The following PREX1 variants were observed in gnomAD, a reference collection of about 807,000 sequenced individuals.
PREX1 encodes the protein phosphatidylinositol 3,4,5-trisphosphate-dependent Rac exchanger 1 protein.
PREX1 carries 41 observed loss-of-function variants against 198.3 expected under a neutral mutation model. The observed-to-expected ratio is 0.21, with a 90% confidence interval of 0.16 to 0.27. PREX1 has a LOEUF of 0.27. Among genes scored for constraint, PREX1 ranks in the 10% least tolerant of loss-of-function variants. The pLI is 1.00. For missense variants in PREX1, 1,620 were observed against 2,200.7 expected, an observed-to-expected ratio of 0.74 and a Z score of 5.28; for synonymous variants, 843 against 887.2, an observed-to-expected ratio of 0.95 and a Z score of 0.89.
Position 48,666,174 on chromosome 20 carries a change from CG to C in PREX1, c.1738+108del. ...GGATTCGTGAGCCTCCCCAAACCCC[CG>C]GGGGTCTAGAGAGCCACAGACCTGG... On this transcript the variant is annotated intron_variant, in intron 15 of 39. Transcript: ENST00000371941. The surrounding 1 kb of genome is among the most constrained non-coding windows in gnomAD (Gnocchi z 4.3). 1 of 1,152,680 alleles carries C rather than the reference CG, an allele frequency of 8.7e-7. No homozygotes were observed. Among genetic ancestry groups the C allele is most frequent in the Non-Finnish European group, 1.2e-6 (1 of 808,006 alleles). The allele number at this position is 1,152,680 out of a possible 1,614,324, so 71.4% of individuals were successfully genotyped here. A position where few individuals can be genotyped will look rare whatever the true frequency, so the allele number is the denominator to read the frequency against.
chr20:48,754,501 T>C (rs957714193), intron 1 of PREX1, among the ~76,000 whole-genome samples: 1 of 152,018 alleles, frequency 6.6e-6, no homozygotes, highest in South Asian at 2.1e-4. Flanking sequence ...CTGGGGAGGA[T>C]AAATCTCTCC....
intron 10 of PREX1, among the ~76,000 whole-genome samples, chr20:48,687,984 G>A (rs1299154004): frequency 2.0e-5 from 3 of 152,008 alleles, no homozygotes; most frequent in African/African-American, 7.3e-5. Context: ...TACTCTCCCT[G>A]CCAACACCCT....
rs908630865 is a variant in PREX1 at position 48,690,830 on chromosome 20, A to G, written c.1186+117T>C. 7.8e-6 allele frequency: 11 copies of G among 1,418,434 alleles called. No individual in the cohort carries two copies. In the South Asian group the frequency reaches 1.4e-4, roughly 18 times the overall value. 87.9% of individuals were successfully genotyped at this position (1,418,434 alleles called of 1,614,324 possible). A position where few individuals can be genotyped will look rare whatever the true frequency, so the allele number is the denominator to read the frequency against. On this transcript the variant is annotated intron_variant, in intron 9 of 39. Transcript: ENST00000371941. Reference sequence around the variant, plus strand: ...CTGTCCCTTCAAATACCTGCTTCTTACAGCTCTGATCCTCCTGAAAAGGAC... The same window carrying G: ...CTGTCCCTTCAAATACCTGCTTCTTGCAGCTCTGATCCTCCTGAAAAGGAC...
At chr20:48,877,241 A>C in the PREX1 span, among the ~76,000 whole-genome samples, 5 of 151,900 alleles carry the variant, frequency 3.3e-5, no homozygotes, top group Admixed American at 3.3e-4. Flanking sequence ...ATTGCACTCC[A>C]GCCTGGTCAA....
At chr20:48,714,858 G>A (rs2089954556) in intron 5 of PREX1, among the ~76,000 whole-genome samples, 1 of 152,192 alleles carries the variant, frequency 6.6e-6, no homozygotes, top group African/African-American at 2.4e-5. Context: ...CTGCTTCACA[G>A]TCTCAGAGGG....
chr20:48,849,223 C>T, the PREX1 span, among the ~76,000 whole-genome samples: 1 of 152,044 alleles, frequency 6.6e-6, no homozygotes, highest in Non-Finnish European at 1.5e-5. Flanking sequence ...TCAGAGTATT[C>T]CTCTGTTTTC....
At chr20:48,734,763 G>A (rs77571056) in intron 3 of PREX1, 113 bp from the exon 4 acceptor site, 15,193 of 813,920 alleles carry the variant, frequency 0.019, 196 homozygotes, top group Non-Finnish European at 0.024. Flanking sequence ...CCTGACCCAG[G>A]AGAAGCTACA....
chr20:48,658,385 G>A (rs939378543), intron 16 of PREX1, among the ~76,000 whole-genome samples, 157 bp from the exon 17 acceptor site: 1 of 152,270 alleles, frequency 6.6e-6, no homozygotes, highest in African/African-American at 2.4e-5. Context: ...AACAGCACCT[G>A]GCAGAGCCAG....
rs1302471271 is a variant in PREX1, at chr20:48,684,086, T to C, written c.1335-2751A>G. On this transcript the variant is annotated intron_variant, in intron 10 of 39. Coordinates refer to ENST00000371941, the MANE Select transcript of PREX1 (RefSeq NM_020820.4). The surrounding 1 kb of genome is among the most constrained non-coding windows in gnomAD (Gnocchi z 4.2). Reference sequence around the variant, plus strand: ...GGCAGTCTGAGAGTCAGGGATGGCATGGTGAGCTGAGAGTTAGGATGTGTC... The same window carrying C: ...GGCAGTCTGAGAGTCAGGGATGGCACGGTGAGCTGAGAGTTAGGATGTGTC... 6.6e-6 allele frequency among the ~76,000 whole-genome samples: 1 copy of C among 152,080 alleles called. No homozygotes were observed. Among genetic ancestry groups the C allele is most frequent in the Admixed American group, 6.5e-5 (1 of 15,268 alleles).
chr20:48,698,806 A>G (rs1212277959), intron 7 of PREX1, among the ~76,000 whole-genome samples: 1 of 152,190 alleles, frequency 6.6e-6, no homozygotes, highest in Admixed American at 6.5e-5. Context: ...TGGTGCTGGC[A>G]GCTACTGTGC....
chr20:48,799,492 C>T (rs958078184), intron 1 of PREX1, among the ~76,000 whole-genome samples: 3 of 152,202 alleles, frequency 2.0e-5, no homozygotes, highest in Admixed American at 6.5e-5. Flanking sequence ...CCGAGCAGCG[C>T]GGTCTATCAC....
At chr20:48,848,751 G>A in the PREX1 span, among the ~76,000 whole-genome samples, 2 of 152,046 alleles carry the variant, frequency 1.3e-5, no homozygotes, top group Non-Finnish European at 2.9e-5. Context: ...ATTTTTAGGG[G>A]GGGTGGTTGG....
the PREX1 span, among the ~76,000 whole-genome samples, chr20:48,841,019 C>T: frequency 6.6e-6 from 1 of 151,934 alleles, no homozygotes; most frequent in Admixed American, 6.6e-5. Context: ...AGACTGGTCT[C>T]GAACTCCTAG....
intron 12 of PREX1, 115 bp from the exon 13 acceptor site, chr20:48,679,524 C>A: frequency 2.9e-6 from 4 of 1,382,912 alleles, no homozygotes; most frequent in Non-Finnish European, 3.1e-6. Flanking sequence ...GTAATGGGGG[C>A]AGGGGTGAGT....
intron 4 of PREX1, among the ~76,000 whole-genome samples, chr20:48,730,511 G>A (rs768906193): frequency 5.3e-5 from 8 of 151,964 alleles, no homozygotes; most frequent in Non-Finnish European, 1.2e-4. Flanking sequence ...GCTTTGGTAA[G>A]AGAAGTCAGC....
At chr20:48,745,814 C>T (rs1218521915) in intron 2 of PREX1, among the ~76,000 whole-genome samples, 1 of 152,158 alleles carries the variant, frequency 6.6e-6, no homozygotes, top group Admixed American at 6.5e-5. Flanking sequence ...CACCACCCCG[C>T]CACACACACA....
At chr20:48,705,356 G>A (rs1347268759) in intron 6 of PREX1, among the ~76,000 whole-genome samples, 1 of 152,166 alleles carries the variant, frequency 6.6e-6, no homozygotes, top group African/African-American at 2.4e-5. Flanking sequence ...GGATCAGGGG[G>A]TAAAAAACAC....
At chr20:48,656,285 G>C (rs58930078) in intron 18 of PREX1, among the ~76,000 whole-genome samples, 2 of 151,760 alleles carry the variant, frequency 1.3e-5, no homozygotes, top group Non-Finnish European at 2.9e-5. Flanking sequence ...CCCTGCTCTC[G>C]CACTCTGCTG....
intron 6 of PREX1, among the ~76,000 whole-genome samples, chr20:48,706,225 T>C (rs1182639908): frequency 6.6e-6 from 1 of 152,224 alleles, no homozygotes; most frequent in African/African-American, 2.4e-5. Flanking sequence ...GGAAATCACT[T>C]CTGCTGCAGC....
Sources: gnomAD v4.1 joint callset for allele counts (sites outside exome capture counted in the v4.1 genomes callset) on GRCh38, gnomAD v4.1.1 for gene constraint, Gnocchi (gnomAD v3.1) non-coding constraint, MANE v1.5 for transcripts, NCBI Gene and HGNC (gene_info 2026-07-23, HGNC 2026-07-21) for gene names.